FHIT: variants seen among roughly 807,000 people sequenced by gnomAD.
FHIT encodes the protein fragile histidine triad diadenosine triphosphatase.
FHIT carries 19 observed loss-of-function variants against 17.9 expected under a neutral mutation model. The observed-to-expected ratio is 1.06, with a 90% CI of 0.74 to 1.56. FHIT has a LOEUF of 1.56. FHIT is among the 40% of genes most tolerant of loss of function. The pLI, the probability that FHIT is intolerant of heterozygous loss-of-function variation, is 0.00. For synonymous variants in FHIT, 81 were observed against 69.7 expected, an observed-to-expected ratio of 1.16 and a Z score of -0.81; for missense variants, 248 against 189.2, an observed-to-expected ratio of 1.31 and a Z score of -1.82.
At chr3:60,844,511 TA>T (rs1221227784) in intron 3 of FHIT, among the ~76,000 whole-genome samples, 247 of 151,902 alleles carry the variant, frequency 1.6e-3, no homozygotes, top group African/African-American at 5.8e-3. Context: ...TCTATTTTTT[TA>T]AAAAAAAATT....
chr3:61,088,513 T>C (rs1416287825), intron 2 of FHIT, among the ~76,000 whole-genome samples: 4 of 152,176 alleles, frequency 2.6e-5, no homozygotes, highest in Non-Finnish European at 5.9e-5. Flanking sequence ...AGAGCCTTTG[T>C]GAAATTTTTA....
chr3:59,785,470 C>T (rs1175712249), intron 8 of FHIT, among the ~76,000 whole-genome samples: 1 of 151,970 alleles, frequency 6.6e-6, no homozygotes, highest in African/African-American at 2.4e-5. Context: ...TCATCATACC[C>T]AGCTAATTTT....
chr3:61,010,601 A>G (rs2031735142), intron 3 of FHIT, among the ~76,000 whole-genome samples: 1 of 152,198 alleles, frequency 6.6e-6, no homozygotes, highest in Non-Finnish European at 1.5e-5. Context: ...GTTCCACCTG[A>G]TGGCCAAGGA....
At chr3:59,882,109 CA>C (rs1299730237) in intron 8 of FHIT, among the ~76,000 whole-genome samples, 1 of 152,014 alleles carries the variant, frequency 6.6e-6, no homozygotes, top group Admixed American at 6.6e-5. Flanking sequence ...ATTAGCATTG[CA>C]TACTTTCAGG....
At chr3:60,543,346 A>T (rs1389031784) in intron 4 of FHIT, among the ~76,000 whole-genome samples, 1 of 152,150 alleles carries the variant, frequency 6.6e-6, no homozygotes, top group African/African-American at 2.4e-5. Context: ...ATCCCATATA[A>T]ATTTTAGCCT....
intron 8 of FHIT, among the ~76,000 whole-genome samples, chr3:59,824,502 A>C (rs1465319048): frequency 6.6e-6 from 1 of 152,254 alleles, no homozygotes. Context: ...TATCCAGAGG[A>C]ACTAGGCCAG....
chr3:60,039,315 C>T (rs1701344285), intron 5 of FHIT, among the ~76,000 whole-genome samples: 1 of 152,178 alleles, frequency 6.6e-6, no homozygotes, highest in East Asian at 1.9e-4. Context: ...CTGAGCAGCT[C>T]CACTTTTATC....
At chr3:60,742,789 T>C (rs938368588) in intron 4 of FHIT, among the ~76,000 whole-genome samples, 1 of 152,206 alleles carries the variant, frequency 6.6e-6, no homozygotes, top group Non-Finnish European at 1.5e-5. Context: ...ATATGGACTG[T>C]TCTGTAGCGC....
At chr3:60,226,774 T>C (rs1174304396) in intron 5 of FHIT, among the ~76,000 whole-genome samples, 3 of 152,138 alleles carry the variant, frequency 2.0e-5, no homozygotes, top group African/African-American at 4.8e-5. Context: ...TACAGCCCTA[T>C]GGCCTTGAGA....
intron 3 of FHIT, among the ~76,000 whole-genome samples, chr3:60,825,826 A>G (rs1377916171): frequency 6.6e-6 from 1 of 152,176 alleles, no homozygotes; most frequent in Non-Finnish European, 1.5e-5. Flanking sequence ...GGATACACAT[A>G]TATGTATGTA....
intron 1 of FHIT, among the ~76,000 whole-genome samples, chr3:61,241,582 G>A (rs897594028): frequency 1.3e-5 from 2 of 152,184 alleles, no homozygotes; most frequent in Non-Finnish European, 2.9e-5. Context: ...TAAACCTTGT[G>A]AGGGAGTACT....
chr3:59,876,173 T>C (rs923223244), intron 8 of FHIT, among the ~76,000 whole-genome samples: 12 of 151,988 alleles, frequency 7.9e-5, no homozygotes, highest in Admixed American at 4.6e-4. Flanking sequence ...GTAAATTTTA[T>C]GTTATGTGTA....
At chr3:60,389,790 T>C (rs17062953) in intron 5 of FHIT, among the ~76,000 whole-genome samples, 4,959 of 152,316 alleles carry the variant, frequency 0.033, 269 homozygotes, top group African/African-American at 0.11. Context: ...GAGTCTACTA[T>C]ACACCTGTCA....
At chr3:60,429,777 C>T (rs922092270) in intron 5 of FHIT, among the ~76,000 whole-genome samples, 1 of 152,046 alleles carries the variant, frequency 6.6e-6, no homozygotes, top group Non-Finnish European at 1.5e-5. Flanking sequence ...TTTATCCCCA[C>T]AACAACTTTC....
At chr3:60,558,612 A>C (rs557016242) in intron 4 of FHIT, among the ~76,000 whole-genome samples, 1 of 151,942 alleles carries the variant, frequency 6.6e-6, no homozygotes, top group African/African-American at 2.4e-5. Flanking sequence ...AGGAGCTCCG[A>C]CCTCCAGTCA....
intron 2 of FHIT, among the ~76,000 whole-genome samples, chr3:61,091,428 GATTAA>G (rs926160369): frequency 2.6e-5 from 4 of 152,214 alleles, no homozygotes; most frequent in African/African-American, 9.6e-5. Flanking sequence ...TACCTCATAA[GATTAA>G]ATTAGATAAT....
chr3:60,327,684 T>C (rs1709765675), intron 5 of FHIT, among the ~76,000 whole-genome samples: 1 of 152,204 alleles, frequency 6.6e-6, no homozygotes, highest in African/African-American at 2.4e-5. Context: ...CACTACCAGA[T>C]GTTTTAAGGT....
chr3:60,701,522 A>T (rs2041247422), intron 4 of FHIT, among the ~76,000 whole-genome samples: 1 of 152,084 alleles, frequency 6.6e-6, no homozygotes. Context: ...ATGAAATCAC[A>T]GGGAGTCGAA....
At chr3:60,954,967 T>C (rs1709046616) in intron 3 of FHIT, among the ~76,000 whole-genome samples, 1 of 152,210 alleles carries the variant, frequency 6.6e-6, no homozygotes, top group Admixed American at 6.5e-5. Flanking sequence ...GAGAAAGTTG[T>C]ATCTTATTTA....
Sources: gnomAD v4.1 joint callset for allele counts (sites outside exome capture counted in the v4.1 genomes callset) on GRCh38, gnomAD v4.1.1 for gene constraint, MANE v1.5 for transcripts, NCBI Gene and HGNC (gene_info 2026-07-23, HGNC 2026-07-21) for gene names.